The following STRN variants were observed in gnomAD, a reference collection of about 807,000 sequenced individuals.
STRN encodes the protein protein phosphatase 2 regulatory subunit B'''alpha.
Under a neutral mutation model 96.3 loss-of-function variants are expected in STRN, and 53 were observed. The observed-to-expected ratio is 0.55, with a 90% CI of 0.44 to 0.69. The LOEUF (loss-of-function observed/expected upper bound fraction) is 0.69. Among genes scored for constraint, STRN ranks in the 30% least tolerant of loss-of-function variants. The pLI, the probability that STRN is intolerant of heterozygous loss-of-function variation, is 0.00. For synonymous variants in STRN, 428 were observed against 355.9 expected, an observed-to-expected ratio of 1.20 and a Z score of -2.28; for missense variants, 987 against 963.9, an observed-to-expected ratio of 1.02 and a Z score of -0.32.
chr2:36,839,476 G>A lies in STRN; in HGVS notation c.*9980C>T, dbSNP rs137956801. 7.2e-5 allele frequency among the ~76,000 whole-genome samples: 11 copies of A among 152,222 alleles called. No homozygotes were observed. The highest frequency in any genetic ancestry group is 3.9e-4 in the East Asian group (2 of 5,190). ...TCTAGAAGCTATCAGGAGTGTGACC[G>A]AACTACATGACCAGAAGTCTGTATT... On this transcript the variant is annotated 3_prime_UTR_variant, in exon 18 of 18. Transcript: ENST00000263918.
At position 36,839,910 on chromosome 2, in the gene STRN, A is replaced by G. The variant is rs1254459846; in HGVS notation, c.*9546T>C. 1 of 152,220 alleles carries G rather than the reference A, an allele frequency of 6.6e-6. No homozygotes were observed. Among genetic ancestry groups the G allele is most frequent in the Non-Finnish European group, 1.5e-5 (1 of 68,046 alleles). The allele number at this position is 152,220 out of a possible 1,614,324, so 9.4% of individuals were successfully genotyped here. On this transcript the variant is annotated 3_prime_UTR_variant, in exon 18 of 18. Transcript: ENST00000263918. ...TAAAACAATTGCACTGTTCAGCTAA[A>G]GCCCTGGGCCCTGCTGGAGTGCTGT...
intron 7 of STRN, among the ~76,000 whole-genome samples, chr2:36,889,961 G>A (rs957134653): frequency 1.1e-4 from 16 of 152,180 alleles, no homozygotes; most frequent in African/African-American, 3.9e-4. Flanking sequence ...ACTGAGCTAT[G>A]ACTCACACGT....
rs958136925 is a variant in STRN, at chr2:36,848,009, T to A, written c.*1447A>T. On this transcript the variant is annotated 3_prime_UTR_variant, in exon 18 of 18. Coordinates refer to ENST00000263918, the MANE Select transcript of STRN (RefSeq NM_003162.4). ...GGTCTCTGTCATTTGGGACAAAGAGTAAGAGAGACATAAACCACTATAGAA... is the reference window on the plus strand; with the variant it reads ...GGTCTCTGTCATTTGGGACAAAGAGAAAGAGAGACATAAACCACTATAGAA... 1 of 152,088 alleles carries A rather than the reference T, an allele frequency of 6.6e-6. No individual in the cohort carries two copies. Among genetic ancestry groups the A allele is most frequent in the Non-Finnish European group, 1.5e-5 (1 of 68,016 alleles). The allele number at this position is 152,088 out of a possible 1,614,324, so 9.4% of individuals were successfully genotyped here.
rs28593131 is a variant in STRN at position 36,851,211 on chromosome 2, G to A, written c.1979-104C>T. 16,306 of 1,003,526 alleles carry A rather than the reference G, an allele frequency of 0.016. 230 individuals carry two copies. The highest frequency in any genetic ancestry group is 0.066 in the African/African-American group (4,029 of 60,930). 62.2% of individuals were successfully genotyped at this position (1,003,526 alleles called of 1,614,324 possible). A position where few individuals can be genotyped will look rare whatever the true frequency, so the allele number is the denominator to read the frequency against. On this transcript the variant is annotated intron_variant, in intron 15 of 17. Coordinates refer to ENST00000263918, the MANE Select transcript of STRN (RefSeq NM_003162.4). ...AAGAGACTGAAAAAGTAGGCCGGCC[G>A]CGGTGGCTCACGCCTGTAATCCAAG...
Position 36,886,837 on chromosome 2 carries a change from T to C in STRN, c.932-11A>G, listed in dbSNP as rs1230138764. On this transcript the variant is annotated splice_polypyrimidine_tract_variant and intron_variant, in intron 7 of 17. Transcript: ENST00000263918. Reference sequence around the variant, plus strand: ...ACTGGTCTTCCTTTTCTAAACAGAGTGAAACAAATGAAACAGCCTTTTTCA... The same window carrying C: ...ACTGGTCTTCCTTTTCTAAACAGAGCGAAACAAATGAAACAGCCTTTTTCA... 1.9e-6 allele frequency: 3 copies of C among 1,590,662 alleles called. No individual in the cohort carries two copies. Among genetic ancestry groups the C allele is most frequent in the Non-Finnish European group, 2.6e-6 (3 of 1,164,792 alleles).
intron 17 of STRN, 22 bp downstream of exon 17, chr2:36,849,692 A>G (rs754973226): frequency 6.2e-7 from 1 of 1,613,848 alleles, no homozygotes; most frequent in South Asian, 1.1e-5. Flanking sequence ...ACAAATAAAT[A>G]ATCCATAGTT....
At chr2:36,854,871 G>C (rs142515462) in intron 15 of STRN, among the ~76,000 whole-genome samples, 83 of 152,194 alleles carry the variant, frequency 5.5e-4, no homozygotes, top group Admixed American at 9.2e-4. Context: ...AAATTAAGTT[G>C]ATTTAAAATA....
At chr2:36,937,824 C>T (rs758292627) in intron 1 of STRN, among the ~76,000 whole-genome samples, 1 of 151,706 alleles carries the variant, frequency 6.6e-6, no homozygotes, top group Non-Finnish European at 1.5e-5. Context: ...CAGGCTATGA[C>T]CAGAGTGATT....
intron 5 of STRN, among the ~76,000 whole-genome samples, chr2:36,901,641 G>A (rs751971977): frequency 6.6e-6 from 1 of 151,470 alleles, no homozygotes; most frequent in Admixed American, 6.6e-5. Flanking sequence ...TAAAGATAAT[G>A]TCCACACAGT....
intron 3 of STRN, among the ~76,000 whole-genome samples, chr2:36,910,034 G>A (rs1157788447): frequency 3.3e-5 from 5 of 152,060 alleles, no homozygotes; most frequent in African/African-American, 1.2e-4. Flanking sequence ...TTATCCAGGT[G>A]TGGTGGCAGG....
At chr2:36,943,838 C>T (rs995077204) in intron 1 of STRN, among the ~76,000 whole-genome samples, 1 of 151,946 alleles carries the variant, frequency 6.6e-6, no homozygotes, top group South Asian at 2.1e-4. Context: ...CAAACTTGGC[C>T]GAGCACAGTG....
At chr2:36,951,123 A>G (rs1664743503) in intron 1 of STRN, among the ~76,000 whole-genome samples, 1 of 152,248 alleles carries the variant, frequency 6.6e-6, no homozygotes, top group African/African-American at 2.4e-5. Flanking sequence ...TTGAAGGCAT[A>G]GGCTTTAGAA....
intron 9 of STRN, among the ~76,000 whole-genome samples, chr2:36,879,884 T>A (rs975457812): frequency 2.0e-5 from 3 of 151,974 alleles, no homozygotes; most frequent in Admixed American, 6.5e-5. Context: ...AATCTTAGTG[T>A]TTTGGGATAC....
At chr2:36,916,191 T>C (rs772433321) in intron 2 of STRN, 40 bp from the exon 3 acceptor site, 12 of 1,536,514 alleles carry the variant, frequency 7.8e-6, no homozygotes, top group Middle Eastern at 1.7e-4. Flanking sequence ...TCTTAAAATA[T>C]GTTTAAATTA....
rs993671175 is a variant in STRN, at chr2:36,890,618, G to A, written c.931+3280C>T. Among the ~76,000 whole-genome samples, 80 of 151,352 alleles carry A rather than the reference G, an allele frequency of 5.3e-4. 3 individuals carry two copies. Among genetic ancestry groups the A allele is most frequent in the Non-Finnish European group, 7.4e-5 (5 of 67,900 alleles). On this transcript the variant is annotated intron_variant, in intron 7 of 17. Transcript: ENST00000263918. ...CCTACCTCAGCCTCCCGAGTAGCTG[G>A]GATTTCAGGCACCCGCCCCAATGCC...
intron 2 of STRN, among the ~76,000 whole-genome samples, chr2:36,920,501 G>C (rs1297526480): frequency 6.6e-6 from 1 of 152,098 alleles, no homozygotes; most frequent in Non-Finnish European, 1.5e-5. Flanking sequence ...AGCCAGGTGT[G>C]GTGGTGTATG....
rs1668073594 is a variant in STRN at position 36,846,381 on chromosome 2, T to C, written c.*3075A>G. ...AAAATACAAAACAGTAAAATGCACC[T>C]ATGGTTTATATATATATATATATAT... On this transcript the variant is annotated 3_prime_UTR_variant, in exon 18 of 18. Transcript: ENST00000263918. The C allele has an allele frequency of 1.3e-5, 1 of 75,048 alleles. No homozygotes were observed. The highest frequency in any genetic ancestry group is 2.5e-5 in the Non-Finnish European group (1 of 39,778). 4.6% of individuals were successfully genotyped at this position (75,048 alleles called of 1,614,324 possible).
chr2:36,964,186 G>A lies in STRN; in HGVS notation c.234+2044C>T, dbSNP rs201583832. Reference sequence around the variant, plus strand: ...GGAGAGGGAGTGAACGGGGCGGGGCGGGGGGAAGGATGGGTTGGAATTCCC... The same window carrying A: ...GGAGAGGGAGTGAACGGGGCGGGGCAGGGGGAAGGATGGGTTGGAATTCCC... On this transcript the variant is annotated intron_variant, in intron 1 of 17. Coordinates refer to ENST00000263918, the MANE Select transcript of STRN (RefSeq NM_003162.4). Among the ~76,000 whole-genome samples the A allele has an allele frequency of 1.8e-3, 137 of 75,948 alleles. 7 individuals are homozygous for A. In the East Asian group the frequency reaches 0.038, roughly 21 times the overall value. The allele number at this position is 75,948 out of a possible 152,430, so 49.8% of individuals were successfully genotyped here. A position where few individuals can be genotyped will look rare whatever the true frequency, so the allele number is the denominator to read the frequency against.
chr2:36,889,360 A>G (rs1669327287), intron 7 of STRN, among the ~76,000 whole-genome samples: 2 of 152,160 alleles, frequency 1.3e-5, no homozygotes, highest in African/African-American at 4.8e-5. Flanking sequence ...TAATCTATCA[A>G]TAGGAGAAAC....
Sources: gnomAD v4.1 joint callset for allele counts (sites outside exome capture counted in the v4.1 genomes callset) on GRCh38, gnomAD v4.1.1 for gene constraint, MANE v1.5 for transcripts, NCBI Gene and HGNC (gene_info 2026-07-23, HGNC 2026-07-21) for gene names.